Variants in CCSER2 observed in about 807,000 individuals in gnomAD.
CCSER2 encodes serine-rich coiled-coil domain-containing protein 2.
A neutral mutation model predicts 92.3 loss-of-function variants in CCSER2; 46 were observed. That is an observed-to-expected ratio of 0.50 (90% CI 0.39 to 0.64). The LOEUF (loss-of-function observed/expected upper bound fraction) is 0.64, where lower values mean the gene tolerates loss of function less well. CCSER2 is among the 30% of genes least tolerant of loss of function. CCSER2 has a pLI of 0.00. For synonymous variants in CCSER2, 433 were observed against 431.4 expected, an observed-to-expected ratio of 1.00 and a Z score of -0.04; for missense variants, 1,244 against 1,238.9, an observed-to-expected ratio of 1.00 and a Z score of -0.06.
At chr10:84,396,163 A>G (rs890030969) in intron 3 of CCSER2, among the ~76,000 whole-genome samples, 5 of 148,142 alleles carry the variant, frequency 3.4e-5, no homozygotes, top group East Asian at 2.0e-4. Context: ...CAACCACAAT[A>G]TATTTTCTTA....
At position 84,418,975 on chromosome 10, in the gene CCSER2, T is replaced by C. The variant is rs560456164; in HGVS notation, c.1705+1114T>C. ...AAATGCAACAGGATGAGCAGAAACATGCATATTATGTCTCTTAAAGTCTTA... is the reference window on the plus strand; with the variant it reads ...AAATGCAACAGGATGAGCAGAAACACGCATATTATGTCTCTTAAAGTCTTA... On this transcript the variant is annotated intron_variant, in intron 4 of 9. Transcript: ENST00000372088. 2.0e-5 allele frequency among the ~76,000 whole-genome samples: 3 copies of C among 152,282 alleles called. No individual in the cohort carries two copies. In the South Asian group the frequency reaches 6.2e-4, roughly 32 times the overall value.
rs184963489 is a variant in CCSER2 at position 84,371,859 on chromosome 10, G to A, written c.807G>A (p.Met269Ile). The A allele has an allele frequency of 3.1e-6, 5 of 1,613,780 alleles. No homozygotes were observed. The African/African-American group carries it at 6.7e-5, about 22-fold the overall frequency. The change falls in exon 2 of 10, where the codon ATG (methionine) becomes ATA (isoleucine). Residue 269 changes from methionine to isoleucine, a missense_variant. Coordinates refer to ENST00000372088, the MANE Select transcript of CCSER2 (RefSeq NM_001284240.2). ...TTAGAGTGCCTCTACGGTCAAGTAT[G>A]CTAACAAGAAATTCCCGGCAGCCAG... ...LSIRVPLRSS[M>I]LTRNSRQPEV...
intron 8 of CCSER2, among the ~76,000 whole-genome samples, chr10:84,477,088 A>T (rs1248720593): frequency 6.6e-6 from 1 of 152,218 alleles, no homozygotes; most frequent in Non-Finnish European, 1.5e-5. Flanking sequence ...AGTTTAGGGA[A>T]ATACTGTAAA....
chr10:84,505,220 A>C (rs993972600), intron 9 of CCSER2, among the ~76,000 whole-genome samples: 4 of 152,162 alleles, frequency 2.6e-5, no homozygotes, highest in African/African-American at 9.6e-5. Context: ...GATATATTCT[A>C]AATTAATTTT....
intron 6 of CCSER2, among the ~76,000 whole-genome samples, chr10:84,441,764 TTTTTTTTTTTTTG>T (rs1844576813): frequency 8.9e-6 from 1 of 112,450 alleles, no homozygotes; most frequent in Admixed American, 9.5e-5. Flanking sequence ...TTTTTTTTTT[TTTTTTTTTTTTTG>T]AGACGAAGTC....
chr10:84,501,834 A>AAAAAAAAATAT (rs1167460274), intron 9 of CCSER2, among the ~76,000 whole-genome samples: 1 of 40,152 alleles, frequency 2.5e-5, no homozygotes, highest in African/African-American at 4.7e-5. Flanking sequence ...AAAAAAAAAA[A>AAAAAAAAATAT]ATATATATAT....
chr10:84,508,029 T>C (rs1282455927), intron 9 of CCSER2, among the ~76,000 whole-genome samples: 1 of 152,236 alleles, frequency 6.6e-6, no homozygotes, highest in African/African-American at 2.4e-5. Context: ...TACTGTATAT[T>C]CTGAAAGCCT....
intron 9 of CCSER2, among the ~76,000 whole-genome samples, chr10:84,480,581 C>A: frequency 6.6e-6 from 1 of 152,160 alleles, no homozygotes; most frequent in South Asian, 2.1e-4. Flanking sequence ...AAAATATGTA[C>A]GTTTAAAAGA....
intron 1 of CCSER2, among the ~76,000 whole-genome samples, chr10:84,355,939 C>T (rs746247596): frequency 1.5e-4 from 23 of 152,010 alleles, no homozygotes; most frequent in Non-Finnish European, 2.8e-4. Flanking sequence ...CCTGTCTCTA[C>T]TAAAAATACA....
At chr10:84,476,041 G>A (rs1847117009) in intron 8 of CCSER2, among the ~76,000 whole-genome samples, 1 of 152,132 alleles carries the variant, frequency 6.6e-6, no homozygotes, top group East Asian at 1.9e-4. Flanking sequence ...TTGCCTTGTT[G>A]CCCAGGCTGG....
At chr10:84,415,202 G>T (rs11813915) in intron 3 of CCSER2, among the ~76,000 whole-genome samples, 1 of 152,136 alleles carries the variant, frequency 6.6e-6, no homozygotes, top group African/African-American at 2.4e-5. Context: ...GAAGTGTTGC[G>T]GTCATTTGCA....
chr10:84,463,306 C>T (rs879467163), intron 6 of CCSER2, among the ~76,000 whole-genome samples: 22 of 152,168 alleles, frequency 1.4e-4, no homozygotes, highest in Admixed American at 1.4e-3. Flanking sequence ...ACCGTACACT[C>T]AGGACATAGA....
chr10:84,391,301 G>T (rs1336034553), intron 3 of CCSER2: 3 of 1,466,386 alleles, frequency 2.0e-6, no homozygotes, highest in Non-Finnish European at 2.9e-6. Flanking sequence ...TTTTATGTTA[G>T]TGTCTCTTGA....
chr10:84,429,649 C>T (rs953475405), intron 5 of CCSER2, among the ~76,000 whole-genome samples: 2 of 134,048 alleles, frequency 1.5e-5, no homozygotes, highest in African/African-American at 5.5e-5. Flanking sequence ...TAAGGATTTT[C>T]ACTTTTTCTT....
At chr10:84,485,885 C>T (rs1847777423) in intron 9 of CCSER2, among the ~76,000 whole-genome samples, 2 of 152,170 alleles carry the variant, frequency 1.3e-5, no homozygotes, top group African/African-American at 4.8e-5. Context: ...TAATGCTCTC[C>T]CTACCACCTC....
chr10:84,384,316 A>G (rs1249034571), intron 3 of CCSER2, among the ~76,000 whole-genome samples: 1 of 152,172 alleles, frequency 6.6e-6, no homozygotes, highest in African/African-American at 2.4e-5. Flanking sequence ...TGGCATGGAC[A>G]CAACAAAAGA....
At chr10:84,419,515 T>G (rs1314023279) in intron 4 of CCSER2, among the ~76,000 whole-genome samples, 1 of 152,146 alleles carries the variant, frequency 6.6e-6, no homozygotes, top group African/African-American at 2.4e-5. Flanking sequence ...AGTGTACTCT[T>G]CATAATGAAG....
chr10:84,438,749 TG>T, intron 6 of CCSER2, 42 bp downstream of exon 6: 2 of 1,241,468 alleles, frequency 1.6e-6, no homozygotes, highest in Non-Finnish European at 2.2e-6. Flanking sequence ...TATTTTGAAT[TG>T]CAAAATGGAT....
intron 8 of CCSER2, among the ~76,000 whole-genome samples, chr10:84,470,904 A>G (rs772646451): frequency 2.0e-5 from 3 of 152,106 alleles, no homozygotes; most frequent in South Asian, 2.1e-4. Context: ...TATGGATGCT[A>G]TTGAATGATC....
Sources: allele counts gnomAD v4.1 joint callset (sites outside exome capture counted in the v4.1 genomes callset), GRCh38; gene constraint gnomAD v4.1.1; transcripts MANE v1.5; gene names NCBI Gene and HGNC (gene_info 2026-07-23, HGNC 2026-07-21).